MMP15: variants seen among roughly 807,000 people sequenced by gnomAD.
The protein encoded by MMP15 is matrix metallopeptidase 15, also known as matrix metalloproteinase-15.
MMP15 carries 36 observed loss-of-function variants against 65.0 expected under a neutral mutation model. That is an observed-to-expected ratio of 0.55 (90% confidence interval 0.42 to 0.73). The LOEUF (loss-of-function observed/expected upper bound fraction) is 0.73, where lower values mean the gene tolerates loss of function less well. Among genes scored for constraint, MMP15 ranks in the 30% least tolerant of loss-of-function variants. The pLI, the probability that MMP15 is intolerant of heterozygous loss-of-function variation, is 0.00. For missense variants in MMP15, 870 were observed against 987.8 expected (o/e 0.88, Z 1.60); for synonymous variants, 428 against 410.2 (o/e 1.04, Z -0.52).
At position 58,040,631 on chromosome 16, in the gene MMP15, C is replaced by T. The variant is rs2142329835; in HGVS notation, c.843C>T (p.Tyr281=). The change falls in exon 5 of 10, where the codon TAC becomes TAT. Residue 281 remains tyrosine (Y), a synonymous_variant. Transcript: ENST00000219271. ...CCAATGCCATCATGGCGCCGTTCTA[C>T]CAGTGGAAGGACGTTGACAACTTCA... ...SNPNAIMAPF[Y]QWKDVDNFKL... 6.2e-7 allele frequency: 1 copy of T among 1,614,216 alleles called. No homozygotes were observed. The highest frequency in any genetic ancestry group is 1.3e-5 in the African/African-American group (1 of 75,064).
rs1163369548 is a variant in MMP15, at chr16:58,042,226, C to T, written c.1165-5C>T. On this transcript the variant is annotated splice_region_variant and splice_polypyrimidine_tract_variant and intron_variant, in intron 6 of 9. Coordinates refer to ENST00000219271, the MANE Select transcript of MMP15 (RefSeq NM_002428.4). Reference sequence around the variant, plus strand: ...CGCTGCCCGCTCACACTATGCCCTCCCCAGGGCCGCTGGTTCTGGCGAGTC... The same window carrying T: ...CGCTGCCCGCTCACACTATGCCCTCTCCAGGGCCGCTGGTTCTGGCGAGTC... 6.2e-7 allele frequency: 1 copy of T among 1,612,572 alleles called. No individual in the cohort carries two copies. Among genetic ancestry groups the T allele is most frequent in the African/African-American group, 1.3e-5 (1 of 74,930 alleles).
At chr16:58,030,406 G>C (rs1241381762) in intron 1 of MMP15, among the ~76,000 whole-genome samples, 1 of 152,152 alleles carries the variant, frequency 6.6e-6, no homozygotes, top group Non-Finnish European at 1.5e-5. Context: ...CCATGGAGCT[G>C]GGCCTGGATC....
intron 5 of MMP15, 119 bp downstream of exon 5, chr16:58,040,817 A>G: frequency 7.1e-7 from 1 of 1,411,846 alleles, no homozygotes; most frequent in Non-Finnish European, 9.9e-7. Flanking sequence ...AGTGAGGATT[A>G]GTGACTTGCC....
intron 1 of MMP15, among the ~76,000 whole-genome samples, chr16:58,032,286 A>G (rs886781792): frequency 6.6e-6 from 1 of 152,182 alleles, no homozygotes; most frequent in East Asian, 1.9e-4. Context: ...AGGCTCAGAA[A>G]AGTTATCCTA....
At chr16:58,041,363 A>G (rs1959447588) in intron 5 of MMP15, among the ~76,000 whole-genome samples, 1 of 152,174 alleles carries the variant, frequency 6.6e-6, no homozygotes, top group Non-Finnish European at 1.5e-5. Flanking sequence ...CCCAAGGGGA[A>G]TGTCCCCAAG....
At chr16:58,042,476 C>A in intron 7 of MMP15, 107 bp downstream of exon 7, 2 of 1,457,724 alleles carry the variant, frequency 1.4e-6, no homozygotes, top group Non-Finnish European at 1.9e-6. Context: ...ATGTCTGGTC[C>A]TGTGCCCCCA....
At chr16:58,036,857 T>G (rs1393947269) in intron 1 of MMP15, among the ~76,000 whole-genome samples, 3 of 152,260 alleles carry the variant, frequency 2.0e-5, no homozygotes, top group African/African-American at 7.2e-5. Context: ...TGTCAGCTAC[T>G]GTGGACACAG....
At position 58,031,448 on chromosome 16, in the gene MMP15, C is replaced by T. The variant is rs545007087; in HGVS notation, c.162+4936C>T. Among the ~76,000 whole-genome samples the T allele has an allele frequency of 2.0e-5, 3 of 152,264 alleles. No homozygotes were observed. The East Asian group carries it at 5.8e-4, about 29-fold the overall frequency. On this transcript the variant is annotated intron_variant, in intron 1 of 9. Transcript: ENST00000219271. ...CCCAAGCTCTGCCCTGTGGACAGCC[C>T]CGTCTAGGAGTCAGCACCTGCAGGG...
chr16:58,039,756 C>G, intron 3 of MMP15, 119 bp from the exon 4 acceptor site: 1 of 950,260 alleles, frequency 1.1e-6, no homozygotes, highest in South Asian at 1.8e-5. Flanking sequence ...TCAAAGCAAA[C>G]TGCCAGTTGA....
chr16:58,039,966 G>C lies in MMP15; in HGVS notation c.532G>C (p.Val178Leu). ...CGTGTGGGAGCAGGCCACGCCCCTG[G>C]TCTTCCAGGAGGTGCCCTATGAGGA... ...FRVWEQATPL[V>L]FQEVPYEDIR... Residue 178 changes from valine to leucine, a missense_variant, in exon 4 of 10, where the codon GTC becomes CTC. Physicochemically the swap from Val to Leu is conservative, Grantham distance 32. Transcript: ENST00000219271. The C allele has an allele frequency of 6.2e-7, 1 of 1,613,942 alleles. No individual in the cohort carries two copies. Among genetic ancestry groups the C allele is most frequent in the Non-Finnish European group, 8.5e-7 (1 of 1,180,048 alleles).
chr16:58,028,959 A>G (rs969083065), intron 1 of MMP15, among the ~76,000 whole-genome samples: 4 of 152,198 alleles, frequency 2.6e-5, no homozygotes, highest in Non-Finnish European at 4.4e-5. Flanking sequence ...CCTGCCCTGC[A>G]GGGCTGAGAG....
intron 1 of MMP15, 23 bp downstream of exon 1, chr16:58,026,535 T>C: frequency 7.6e-7 from 1 of 1,307,258 alleles, no homozygotes. Context: ...CCCTGCCCTT[T>C]GGCTGCGGGC....
chr16:58,027,811 G>T (rs1012591404), intron 1 of MMP15, among the ~76,000 whole-genome samples: 2 of 152,130 alleles, frequency 1.3e-5, no homozygotes, highest in African/African-American at 4.8e-5. Flanking sequence ...GAGGAGCCAG[G>T]CCCTGGTGGG....
chr16:58,040,836 T>C (rs1021135081), intron 5 of MMP15, 138 bp downstream of exon 5: 3 of 1,288,444 alleles, frequency 2.3e-6, no homozygotes, highest in African/African-American at 1.5e-5. Context: ...CCCACATCAT[T>C]TGGGGAATAA....
intron 7 of MMP15, among the ~76,000 whole-genome samples, chr16:58,042,865 G>A (rs567340595): frequency 1.6e-4 from 25 of 152,306 alleles, no homozygotes; most frequent in African/African-American, 5.5e-4. Flanking sequence ...ACACTGTGAG[G>A]GCTGCAGGTG....
intron 9 of MMP15, among the ~76,000 whole-genome samples, 158 bp from the exon 10 acceptor site, chr16:58,044,849 C>T (rs966057940): frequency 6.6e-6 from 1 of 152,226 alleles, no homozygotes; most frequent in Admixed American, 6.5e-5. Flanking sequence ...GAGCCTCAGT[C>T]TGGCTCCTGC....
At chr16:58,033,174 A>G (rs1359602199) in intron 1 of MMP15, among the ~76,000 whole-genome samples, 1 of 152,204 alleles carries the variant, frequency 6.6e-6, no homozygotes, top group Admixed American at 6.5e-5. Context: ...CCCAGCGCCC[A>G]GACCCGGCCG....
In MMP15 at chr16:58,042,217, T is replaced by C. The variant is rs2142330936; in HGVS notation, c.1165-14T>C. 1 of 1,611,280 alleles carries C rather than the reference T, an allele frequency of 6.2e-7. No homozygotes were observed. The highest frequency in any genetic ancestry group is 1.1e-5 in the South Asian group (1 of 90,786). Reference sequence around the variant, plus strand: ...GCTTGCCTGCGCTGCCCGCTCACACTATGCCCTCCCCAGGGCCGCTGGTTC... The same window carrying C: ...GCTTGCCTGCGCTGCCCGCTCACACCATGCCCTCCCCAGGGCCGCTGGTTC... On this transcript the variant is annotated splice_polypyrimidine_tract_variant and intron_variant, in intron 6 of 9. Coordinates refer to ENST00000219271, the MANE Select transcript of MMP15 (RefSeq NM_002428.4).
intron 1 of MMP15, among the ~76,000 whole-genome samples, chr16:58,032,776 C>T (rs1345313451): frequency 1.1e-4 from 17 of 151,736 alleles, no homozygotes; most frequent in Admixed American, 1.1e-3. Flanking sequence ...GTAAGGACCT[C>T]ACAAGGCCAC....
Sources: allele counts gnomAD v4.1 joint callset (sites outside exome capture counted in the v4.1 genomes callset), GRCh38; gene constraint gnomAD v4.1.1; transcripts MANE v1.5; gene names NCBI Gene and HGNC (gene_info 2026-07-23, HGNC 2026-07-21).